RTN4: variants seen among roughly 807,000 people sequenced by gnomAD.
RTN4 encodes reticulon-4.
RTN4 carries 32 observed loss-of-function variants against 90.4 expected under a neutral mutation model. The observed-to-expected ratio is 0.35, with a 90% CI of 0.27 to 0.48. RTN4 has a LOEUF of 0.48. Among genes scored for constraint, RTN4 ranks in the 20% least tolerant of loss-of-function variants. The pLI is 0.99. For synonymous variants in RTN4, 629 were observed against 552.5 expected (o/e 1.14, Z -1.94); for missense variants, 1,706 against 1,430.2 (o/e 1.19, Z -3.11).
intron 2 of RTN4, among the ~76,000 whole-genome samples, chr2:55,067,142 C>A (rs1489952224): frequency 6.6e-6 from 1 of 152,036 alleles, no homozygotes; most frequent in Non-Finnish European, 1.5e-5. Context: ...ATTGGAAAAT[C>A]TAGGGTTAAT....
At chr2:55,056,171 A>T (rs1192580163) in intron 2 of RTN4, among the ~76,000 whole-genome samples, 2 of 152,190 alleles carry the variant, frequency 1.3e-5, no homozygotes, top group Admixed American at 1.3e-4. Flanking sequence ...TCTGAGTAGC[A>T]TGATGAAATC....
chr2:55,062,964 C>G (rs1668327476), intron 2 of RTN4, among the ~76,000 whole-genome samples: 1 of 152,128 alleles, frequency 6.6e-6, no homozygotes, highest in Non-Finnish European at 1.5e-5. Context: ...GGAACTGGGG[C>G]AACCATTTTG....
chr2:54,975,536 A>AT (rs1677552909), intron 5 of RTN4, among the ~76,000 whole-genome samples: 1 of 152,304 alleles, frequency 6.6e-6, no homozygotes, highest in African/African-American at 2.4e-5. Context: ...TTTAGGTTTT[A>AT]TGGGCCACAT....
At chr2:55,089,692 T>C (rs1668903566) in intron 1 of RTN4, among the ~76,000 whole-genome samples, 1 of 152,248 alleles carries the variant, frequency 6.6e-6, no homozygotes, top group African/African-American at 2.4e-5. Context: ...ATCTGCGAAA[T>C]GCAAACACTT....
intron 8 of RTN4, 142 bp from the exon 9 acceptor site, chr2:54,973,340 C>G: frequency 1.2e-6 from 1 of 859,876 alleles, no homozygotes; most frequent in Non-Finnish European, 1.8e-6. Flanking sequence ...TATAATTTTG[C>G]CACCTTGGCC....
At chr2:54,985,686 C>T (rs1209777426) in intron 4 of RTN4, among the ~76,000 whole-genome samples, 2 of 152,146 alleles carry the variant, frequency 1.3e-5, no homozygotes, top group Non-Finnish European at 2.9e-5. Flanking sequence ...AAGAGAAAGC[C>T]AGAGAAAAAT....
intron 1 of RTN4, among the ~76,000 whole-genome samples, chr2:55,085,923 A>G (rs1668828869): frequency 6.6e-6 from 1 of 152,236 alleles, no homozygotes; most frequent in Admixed American, 6.5e-5. Flanking sequence ...TAATCTTCAC[A>G]AATCATTATT....
upstream of RTN4, among the ~76,000 whole-genome samples, chr2:55,116,092 T>TTTTTC (rs1668120247): frequency 5.0e-5 from 1 of 19,964 alleles, no homozygotes; most frequent in Non-Finnish European, 9.3e-5. Flanking sequence ...GGGACTAGTC[T>TTTTTC]TTTTTTTTTT....
the RTN4 span, among the ~76,000 whole-genome samples, chr2:55,129,316 G>C: frequency 1.3e-5 from 2 of 152,014 alleles, no homozygotes; most frequent in East Asian, 1.9e-4. Context: ...ACTCACACCT[G>C]TAATCCCAGC....
upstream of RTN4, among the ~76,000 whole-genome samples, chr2:55,116,214 C>G (rs1668123430): frequency 6.7e-6 from 1 of 149,508 alleles, no homozygotes; most frequent in African/African-American, 2.5e-5. Flanking sequence ...AGGCATGAGT[C>G]ACTGCCGGGG....
intron 5 of RTN4, among the ~76,000 whole-genome samples, chr2:54,978,431 CAAAAAAAAAA>C (rs10718270): frequency 2.5e-5 from 2 of 81,124 alleles, no homozygotes; most frequent in Non-Finnish European, 4.9e-5. Flanking sequence ...ACTCTATCTC[CAAAAAAAAAA>C]AAAAAAAAAA....
chr2:55,024,211 T>G (rs547502744), intron 3 of RTN4, among the ~76,000 whole-genome samples: 38 of 152,264 alleles, frequency 2.5e-4, no homozygotes, highest in African/African-American at 8.4e-4. Context: ...TCTTTACCTC[T>G]TCCCCTCATC....
At chr2:54,983,065 G>GTT (rs1219142225) in intron 4 of RTN4, among the ~76,000 whole-genome samples, 2 of 142,710 alleles carry the variant, frequency 1.4e-5, no homozygotes, top group Admixed American at 7.0e-5. Context: ...GACTATGGTT[G>GTT]TTTTTTTTTT....
At chr2:55,118,560 G>A in the RTN4 span, among the ~76,000 whole-genome samples, 1 of 151,542 alleles carries the variant, frequency 6.6e-6, no homozygotes, top group Non-Finnish European at 1.5e-5. Context: ...TCTAGTTCAC[G>A]ATTCTTTTGT....
At chr2:55,010,687 A>G (rs1330670104) in intron 3 of RTN4, among the ~76,000 whole-genome samples, 3 of 152,216 alleles carry the variant, frequency 2.0e-5, no homozygotes, top group Non-Finnish European at 4.4e-5. Flanking sequence ...AATTGCTCCT[A>G]AGTTCATTAA....
intron 3 of RTN4, among the ~76,000 whole-genome samples, chr2:55,018,398 A>T (rs749906958): frequency 6.6e-6 from 1 of 152,194 alleles, no homozygotes; most frequent in Non-Finnish European, 1.5e-5. Context: ...TCAGTGGGAG[A>T]AGGACGCAGG....
At chr2:55,136,942 G>A in the RTN4 span, among the ~76,000 whole-genome samples, 1 of 152,152 alleles carries the variant, frequency 6.6e-6, no homozygotes, top group African/African-American at 2.4e-5. Context: ...ACCCATTTCT[G>A]TCCCCCAGAC....
chr2:54,976,765 G>C (rs540380230), intron 5 of RTN4, among the ~76,000 whole-genome samples: 1 of 152,170 alleles, frequency 6.6e-6, no homozygotes, highest in Non-Finnish European at 1.5e-5. Context: ...CAGGAATAAG[G>C]TCAATAAACA....
chr2:55,105,226 AG>A (rs1667923478), intron 1 of RTN4, among the ~76,000 whole-genome samples: 1 of 131,406 alleles, frequency 7.6e-6, no homozygotes, highest in Admixed American at 7.6e-5. Flanking sequence ...TTGCTATTGA[AG>A]TTTTTTTTTT....
Sources: gnomAD v4.1 joint callset for allele counts (sites outside exome capture counted in the v4.1 genomes callset) on GRCh38, gnomAD v4.1.1 for gene constraint, MANE v1.5 for transcripts, NCBI Gene and HGNC (gene_info 2026-07-23, HGNC 2026-07-21) for gene names.